RBFOX1: variants seen among roughly 807,000 people sequenced by gnomAD.
The protein encoded by RBFOX1 is RNA binding protein fox-1 homolog 1.
Under a neutral mutation model 57.7 loss-of-function variants are expected in RBFOX1, and 8 were observed. The ratio of observed to expected loss-of-function variants is 0.14; its 90% CI spans 0.08 to 0.25. RBFOX1 has a LOEUF of 0.25. RBFOX1 is among the 10% of genes least tolerant of loss of function. RBFOX1 has a pLI of 1.00. For synonymous variants in RBFOX1, 326 were observed against 222.4 expected (o/e 1.47, Z -4.15); for missense variants, 611 against 548.5 (o/e 1.11, Z -1.14).
intron 1 of RBFOX1, among the ~76,000 whole-genome samples, chr16:6,203,710 A>G (rs12447322): frequency 7.1e-4 from 108 of 152,346 alleles, no homozygotes; most frequent in Admixed American, 1.2e-3. Context: ...GCGTTGGTGA[A>G]GATGTGGAAA....
At chr16:6,916,537 G>A (rs7186425) in intron 3 of RBFOX1, among the ~76,000 whole-genome samples, 7,299 of 151,406 alleles carry the variant, frequency 0.048, 577 homozygotes, top group African/African-American at 0.17. Context: ...GACCATTAGT[G>A]GCACAGATAC....
chr16:6,454,111 A>G (rs939414771), intron 2 of RBFOX1, among the ~76,000 whole-genome samples: 1 of 152,040 alleles, frequency 6.6e-6, no homozygotes, highest in Admixed American at 6.6e-5. Flanking sequence ...GTCATGTTGG[A>G]TGAGGGCCCA....
intron 1 of RBFOX1, among the ~76,000 whole-genome samples, chr16:5,323,166 C>T (rs983602089): frequency 6.6e-6 from 1 of 152,192 alleles, no homozygotes; most frequent in African/African-American, 2.4e-5. Context: ...TGACAAAGTG[C>T]TGTATGCGTA....
intron 3 of RBFOX1, among the ~76,000 whole-genome samples, chr16:5,654,766 C>T (rs976434890): frequency 6.6e-6 from 1 of 151,790 alleles, no homozygotes; most frequent in African/African-American, 2.4e-5. Flanking sequence ...CTTTCCCTTC[C>T]TCCTTCCTCC....
intron 2 of RBFOX1, among the ~76,000 whole-genome samples, chr16:6,373,903 A>C (rs2090830984): frequency 6.6e-6 from 1 of 152,118 alleles, no homozygotes; most frequent in Non-Finnish European, 1.5e-5. Flanking sequence ...TGTCTTTCAG[A>C]TAGTAGGTGT....
intron 3 of RBFOX1, among the ~76,000 whole-genome samples, chr16:5,781,148 G>T (rs1358575661): frequency 1.3e-5 from 2 of 152,198 alleles, no homozygotes; most frequent in Non-Finnish European, 2.9e-5. Context: ...TCACCGAAAA[G>T]TATGGTGAAA....
intron 2 of RBFOX1, among the ~76,000 whole-genome samples, chr16:6,476,301 T>TA (rs1323122560): frequency 6.6e-6 from 1 of 152,114 alleles, no homozygotes; most frequent in Non-Finnish European, 1.5e-5. Flanking sequence ...ACATACACTT[T>TA]AAAAAAATAG....
At chr16:5,314,807 C>G (rs1348540615) in intron 1 of RBFOX1, among the ~76,000 whole-genome samples, 2 of 137,936 alleles carry the variant, frequency 1.4e-5, no homozygotes, top group African/African-American at 2.6e-5. Context: ...GGCCTCATTT[C>G]TTTTAAAACC....
chr16:6,714,022 A>G (rs2064259949), intron 3 of RBFOX1, among the ~76,000 whole-genome samples: 1 of 152,186 alleles, frequency 6.6e-6, no homozygotes, highest in South Asian at 2.1e-4. Flanking sequence ...TGTAATACCC[A>G]TGTGTGGAGG....
intron 4 of RBFOX1, among the ~76,000 whole-genome samples, chr16:7,331,725 G>A (rs2096699336): frequency 6.6e-6 from 1 of 152,062 alleles, no homozygotes; most frequent in Admixed American, 6.6e-5. Context: ...GGTTCAGAGA[G>A]GCTAAGTAAC....
intron 4 of RBFOX1, among the ~76,000 whole-genome samples, chr16:7,102,999 A>C (rs1360821474): frequency 6.6e-6 from 1 of 151,938 alleles, no homozygotes; most frequent in African/African-American, 2.4e-5. Context: ...ACACACACAC[A>C]CACATTTAGA....
At chr16:7,588,036 G>A (rs949728981) in intron 7 of RBFOX1, among the ~76,000 whole-genome samples, 6 of 152,150 alleles carry the variant, frequency 3.9e-5, no homozygotes, top group African/African-American at 1.4e-4. Context: ...AAAATTAGCT[G>A]GGTGTGGTGG....
At chr16:6,619,801 C>A (rs1375339785) in intron 2 of RBFOX1, among the ~76,000 whole-genome samples, 1 of 148,862 alleles carries the variant, frequency 6.7e-6, no homozygotes. Flanking sequence ...ATGATTTCAT[C>A]ATCCAGATGG....
intron 1 of RBFOX1, among the ~76,000 whole-genome samples, chr16:6,057,376 A>T (rs1006766476): frequency 6.6e-6 from 1 of 152,014 alleles, no homozygotes; most frequent in Non-Finnish European, 1.5e-5. Context: ...GGATCCTTCT[A>T]ATCCTATTCT....
chr16:7,479,271 G>A (rs747807795), intron 4 of RBFOX1, among the ~76,000 whole-genome samples: 15 of 151,930 alleles, frequency 9.9e-5, no homozygotes, highest in African/African-American at 1.7e-4. Context: ...TTACAGGCAT[G>A]CACCACCACA....
intron 3 of RBFOX1, among the ~76,000 whole-genome samples, chr16:6,858,035 C>T (rs970342781): frequency 3.9e-5 from 6 of 152,200 alleles, no homozygotes; most frequent in African/African-American, 1.4e-4. Flanking sequence ...CTCTTCTACT[C>T]ACAAATGTTC....
intron 4 of RBFOX1, among the ~76,000 whole-genome samples, chr16:7,443,642 G>A (rs1403395598): frequency 2.0e-5 from 3 of 152,028 alleles, no homozygotes; most frequent in Admixed American, 6.6e-5. Flanking sequence ...AAAGTGCAGC[G>A]TATTTCTATA....
At chr16:7,055,134 C>G (rs116677298) in intron 4 of RBFOX1, among the ~76,000 whole-genome samples, 2 of 152,034 alleles carry the variant, frequency 1.3e-5, no homozygotes, top group East Asian at 1.9e-4. Flanking sequence ...TTAAAAAAAG[C>G]TAAACAGTTT....
intron 3 of RBFOX1, chr16:5,611,116 C>T (rs2047770207): frequency 6.6e-6 from 1 of 152,352 alleles, no homozygotes; most frequent in African/African-American, 2.4e-5. Flanking sequence ...CTCTGACCCA[C>T]ATGTGCTCTG....
Sources: allele counts gnomAD v4.1 joint callset (sites outside exome capture counted in the v4.1 genomes callset), GRCh38; gene constraint gnomAD v4.1.1; transcripts MANE v1.5; gene names NCBI Gene and HGNC (gene_info 2026-07-23, HGNC 2026-07-21).